The following NKAIN2 variants were observed in gnomAD, a reference collection of about 807,000 sequenced individuals.
The protein encoded by NKAIN2 is sodium/potassium transporting ATPase interacting 2, also known as sodium/potassium-transporting ATPase subunit beta-1-interacting protein 2.
A neutral mutation model predicts 32.6 loss-of-function variants in NKAIN2; 14 were observed. That is an observed-to-expected ratio of 0.43 (90% confidence interval 0.28 to 0.67). NKAIN2 has a LOEUF of 0.67. Among genes scored for constraint, NKAIN2 ranks in the 30% least tolerant of loss-of-function variants. The probability of loss-of-function intolerance (pLI) is 0.17; values close to 1 mark genes in which losing one functional copy is unlikely to be tolerated. For synonymous variants in NKAIN2, 80 were observed against 87.2 expected, an observed-to-expected ratio of 0.92 and a Z score of 0.46; for missense variants, 198 against 258.3, an observed-to-expected ratio of 0.77 and a Z score of 1.60.
intron 3 of NKAIN2, among the ~76,000 whole-genome samples, chr6:124,561,142 A>G (rs929125860): frequency 2.0e-5 from 3 of 152,202 alleles, no homozygotes; most frequent in Non-Finnish European, 4.4e-5. Context: ...CTGAGGGGAA[A>G]AGTCCGAAGC....
chr6:124,209,784 T>C (rs1228998518), intron 1 of NKAIN2, among the ~76,000 whole-genome samples: 4 of 151,880 alleles, frequency 2.6e-5, no homozygotes, highest in Non-Finnish European at 5.9e-5. Context: ...TCAGATCTTG[T>C]ATCTATTTTA....
intron 3 of NKAIN2, among the ~76,000 whole-genome samples, chr6:124,488,238 A>G (rs1204603330): frequency 6.6e-6 from 1 of 152,078 alleles, no homozygotes; most frequent in African/African-American, 2.4e-5. Flanking sequence ...GTTTAAATGT[A>G]CACTGTTAGT....
chr6:124,070,403 A>G (rs1783397489), intron 1 of NKAIN2, among the ~76,000 whole-genome samples: 1 of 152,188 alleles, frequency 6.6e-6, no homozygotes, highest in East Asian at 1.9e-4. Flanking sequence ...CCTCAAACCC[A>G]GTTAAATTCT....
intron 1 of NKAIN2, among the ~76,000 whole-genome samples, chr6:124,024,618 A>G (rs1263168494): frequency 1.4e-5 from 2 of 141,652 alleles, no homozygotes; most frequent in African/African-American, 5.8e-5. Context: ...TCTTAAGATT[A>G]TCAGTTATGT....
intron 3 of NKAIN2, among the ~76,000 whole-genome samples, chr6:124,622,971 G>C (rs1306410874): frequency 6.6e-6 from 1 of 152,090 alleles, no homozygotes; most frequent in Non-Finnish European, 1.5e-5. Flanking sequence ...AGGAATGCCT[G>C]TACTCATTTT....
chr6:124,572,317 T>C (rs780854518), intron 3 of NKAIN2, among the ~76,000 whole-genome samples: 1 of 152,230 alleles, frequency 6.6e-6, no homozygotes, highest in Non-Finnish European at 1.5e-5. Context: ...TCAACCAGTA[T>C]GTAGACATAC....
chr6:124,193,235 A>C (rs1160103774), intron 1 of NKAIN2, among the ~76,000 whole-genome samples: 2 of 152,174 alleles, frequency 1.3e-5, no homozygotes, highest in Non-Finnish European at 2.9e-5. Flanking sequence ...TTGGCCCGGC[A>C]AACAGGGCTC....
At chr6:124,176,661 G>A (rs1789171693) in intron 1 of NKAIN2, among the ~76,000 whole-genome samples, 1 of 151,786 alleles carries the variant, frequency 6.6e-6, no homozygotes, top group African/African-American at 2.4e-5. Context: ...AGAAGGCAAG[G>A]ATAAACATAC....
intron 4 of NKAIN2, among the ~76,000 whole-genome samples, chr6:124,671,968 C>T (rs111623246): frequency 4.0e-5 from 6 of 151,846 alleles, no homozygotes; most frequent in African/African-American, 1.4e-4. Context: ...CCACCAAGAA[C>T]CATACAATAT....
chr6:123,870,916 A>G (rs1486358416), intron 1 of NKAIN2, among the ~76,000 whole-genome samples: 1 of 152,064 alleles, frequency 6.6e-6, no homozygotes, highest in African/African-American at 2.4e-5. Context: ...TTTTTTTAAT[A>G]TAATCTCCTC....
intron 5 of NKAIN2, among the ~76,000 whole-genome samples, chr6:124,809,151 C>A (rs926326621): frequency 6.9e-6 from 1 of 145,160 alleles, no homozygotes; most frequent in Non-Finnish European, 1.5e-5. Context: ...TCACATGGAA[C>A]CAAAAAAGAG....
At chr6:123,852,405 C>G (rs1481624869) in intron 1 of NKAIN2, among the ~76,000 whole-genome samples, 1 of 152,054 alleles carries the variant, frequency 6.6e-6, no homozygotes, top group Non-Finnish European at 1.5e-5. Flanking sequence ...TCTTCCTGTT[C>G]AACTGAAATT....
intron 1 of NKAIN2, among the ~76,000 whole-genome samples, chr6:123,907,194 A>G (rs1393366788): frequency 1.1e-4 from 17 of 152,192 alleles, no homozygotes; most frequent in Non-Finnish European, 1.5e-5. Flanking sequence ...TGAATACAAA[A>G]TTCATAGGAA....
intron 3 of NKAIN2, among the ~76,000 whole-genome samples, chr6:124,463,754 C>T (rs1327098037): frequency 6.6e-6 from 1 of 152,074 alleles, no homozygotes; most frequent in Non-Finnish European, 1.5e-5. Flanking sequence ...AGGGCTATTA[C>T]TAAATGTATT....
At chr6:123,836,523 T>C (rs1240617162) in intron 1 of NKAIN2, among the ~76,000 whole-genome samples, 5 of 151,890 alleles carry the variant, frequency 3.3e-5, no homozygotes, top group African/African-American at 1.2e-4. Context: ...TGAACAGTTG[T>C]CTTAAAAACT....
At chr6:123,900,110 C>T (rs536750391) in intron 1 of NKAIN2, among the ~76,000 whole-genome samples, 6 of 152,148 alleles carry the variant, frequency 3.9e-5, no homozygotes, top group Non-Finnish European at 7.3e-5. Flanking sequence ...TACACCAAAG[C>T]CCTCAAATTA....
At chr6:123,894,716 T>G (rs781717222) in intron 1 of NKAIN2, among the ~76,000 whole-genome samples, 1 of 151,980 alleles carries the variant, frequency 6.6e-6, no homozygotes, top group Non-Finnish European at 1.5e-5. Context: ...CCCAGGATTC[T>G]CTAAAGGAAA....
rs376894845 is a variant in NKAIN2, at chr6:124,015,048, G to C, written c.54+210794G>C. On this transcript the variant is annotated intron_variant, in intron 1 of 6. Coordinates refer to ENST00000368417, the MANE Select transcript of NKAIN2 (RefSeq NM_001040214.3). Reference sequence around the variant, plus strand: ...AATCCAAAGGGATGTGTAATTTGAAGGACATATTACCAAATTGTCTTCAAG... The same window carrying C: ...AATCCAAAGGGATGTGTAATTTGAACGACATATTACCAAATTGTCTTCAAG... Among the ~76,000 whole-genome samples the C allele has an allele frequency of 4.1e-3, 628 of 152,204 alleles. 4 individuals carry two copies. The highest frequency in any genetic ancestry group is 0.014 in the African/African-American group (602 of 41,526).
At chr6:124,137,224 T>G (rs1374995512) in intron 1 of NKAIN2, among the ~76,000 whole-genome samples, 1 of 152,030 alleles carries the variant, frequency 6.6e-6, no homozygotes, top group African/African-American at 2.4e-5. Context: ...ACAACCAAAC[T>G]GAGAATTACA....
Sources: gnomAD v4.1 joint callset for allele counts (sites outside exome capture counted in the v4.1 genomes callset) on GRCh38, gnomAD v4.1.1 for gene constraint, MANE v1.5 for transcripts, NCBI Gene and HGNC (gene_info 2026-07-23, HGNC 2026-07-21) for gene names.